SDK1: variants seen among roughly 807,000 people sequenced by gnomAD.
SDK1 encodes the protein sidekick cell adhesion molecule 1.
A neutral mutation model predicts 245.5 loss-of-function variants in SDK1; 157 were observed. The ratio of observed to expected loss-of-function variants is 0.64; its 90% CI spans 0.56 to 0.73. The LOEUF (loss-of-function observed/expected upper bound fraction) is 0.73, where lower values mean the gene tolerates loss of function less well. Among genes scored for constraint, SDK1 ranks in the 30% least tolerant of loss-of-function variants. The pLI is 0.00. For missense variants in SDK1, 3,583 were observed against 3,002.3 expected, an observed-to-expected ratio of 1.19 and a Z score of -4.52; for synonymous variants, 1,647 against 1,278.5, an observed-to-expected ratio of 1.29 and a Z score of -6.15.
intron 5 of SDK1, among the ~76,000 whole-genome samples, chr7:3,913,292 C>CTTTTTT (rs1290723820): frequency 1.5e-5 from 2 of 135,188 alleles, no homozygotes; most frequent in African/African-American, 2.8e-5. Context: ...TTACACTTAT[C>CTTTTTT]TTTTTTTTTT....
intron 1 of SDK1, among the ~76,000 whole-genome samples, chr7:3,601,888 T>C (rs1465379553): frequency 2.0e-5 from 3 of 147,912 alleles, no homozygotes; most frequent in Non-Finnish European, 4.4e-5. Flanking sequence ...CCATGTGTTA[T>C]CATTGTTCAA....
chr7:3,742,365 C>T (rs1779501778), intron 4 of SDK1, among the ~76,000 whole-genome samples: 1 of 152,048 alleles, frequency 6.6e-6, no homozygotes, highest in African/African-American at 2.4e-5. Context: ...TAAAATTTTC[C>T]TTGTGAACGT....
chr7:3,633,995 C>T (rs1206217751), intron 2 of SDK1, among the ~76,000 whole-genome samples: 1 of 152,134 alleles, frequency 6.6e-6, no homozygotes, highest in Non-Finnish European at 1.5e-5. Flanking sequence ...CCCACCACCG[C>T]TGCTGTCAGA....
chr7:3,692,258 A>C (rs1784457999), intron 4 of SDK1, among the ~76,000 whole-genome samples: 1 of 152,190 alleles, frequency 6.6e-6, no homozygotes, highest in Non-Finnish European at 1.5e-5. Context: ...AATAGGAATA[A>C]ATCAGGAAAA....
chr7:3,768,762 C>T (rs1466723470), intron 4 of SDK1, among the ~76,000 whole-genome samples: 1 of 152,216 alleles, frequency 6.6e-6, no homozygotes, highest in Admixed American at 6.5e-5. Context: ...CAATGCTTCA[C>T]ACTTTCTGAA....
At chr7:3,471,781 T>G (rs1351072550) in intron 1 of SDK1, among the ~76,000 whole-genome samples, 2 of 152,210 alleles carry the variant, frequency 1.3e-5, no homozygotes, top group African/African-American at 4.8e-5. Flanking sequence ...TTTTATAGTC[T>G]ACTCGGCTTT....
chr7:3,524,283 G>C (rs943921856), intron 1 of SDK1, among the ~76,000 whole-genome samples: 20 of 152,112 alleles, frequency 1.3e-4, no homozygotes, highest in Admixed American at 1.2e-3. Context: ...GCTGAGTCAA[G>C]GTGGAAACAA....
At chr7:3,574,100 G>C (rs1408187938) in intron 1 of SDK1, among the ~76,000 whole-genome samples, 1 of 151,684 alleles carries the variant, frequency 6.6e-6, no homozygotes, top group Non-Finnish European at 1.5e-5. Flanking sequence ...GATCAGACTA[G>C]ACATATACCT....
intron 1 of SDK1, among the ~76,000 whole-genome samples, chr7:3,571,359 G>A (rs934368752): frequency 1.3e-5 from 2 of 151,966 alleles, no homozygotes; most frequent in Non-Finnish European, 2.9e-5. Context: ...TGGGGGTGCA[G>A]TGGCACAATC....
chr7:3,731,088 C>G (rs923949433), intron 4 of SDK1, among the ~76,000 whole-genome samples: 1 of 152,138 alleles, frequency 6.6e-6, no homozygotes, highest in African/African-American at 2.4e-5. Flanking sequence ...GTGATTTGTG[C>G]CAAGCCTCTG....
chr7:3,552,643 A>G (rs907121207), intron 1 of SDK1, among the ~76,000 whole-genome samples: 6 of 152,218 alleles, frequency 3.9e-5, no homozygotes, highest in Non-Finnish European at 8.8e-5. Flanking sequence ...TGGACTGACC[A>G]CAGAGTAAGA....
chr7:3,393,163 G>A (rs1235718171), intron 1 of SDK1, among the ~76,000 whole-genome samples: 1 of 151,544 alleles, frequency 6.6e-6, no homozygotes, highest in Non-Finnish European at 1.5e-5. Context: ...GTAGAGGTGG[G>A]GTTTCATCAT....
intron 5 of SDK1, among the ~76,000 whole-genome samples, chr7:3,944,296 A>G (rs1780490611): frequency 2.0e-5 from 3 of 152,224 alleles, no homozygotes; most frequent in Admixed American, 1.3e-4. Flanking sequence ...ACTATATTAA[A>G]TGGGCAACAT....
chr7:4,232,673 AG>A (rs879367212), intron 40 of SDK1, among the ~76,000 whole-genome samples: 14 of 151,648 alleles, frequency 9.2e-5, no homozygotes, highest in Non-Finnish European at 1.5e-4. Flanking sequence ...TGTGTTGCCC[AG>A]GCTGGTCTCC....
intron 4 of SDK1, among the ~76,000 whole-genome samples, chr7:3,671,448 G>T (rs1021515707): frequency 6.6e-6 from 1 of 152,146 alleles, no homozygotes; most frequent in Non-Finnish European, 1.5e-5. Flanking sequence ...GTTGCTCATT[G>T]AATGAAGCTC....
Position 3,762,126 on chromosome 7 carries a change from G to A in SDK1, c.714-59324G>A, listed in dbSNP as rs949285654. Among the ~76,000 whole-genome samples, 6 of 152,274 alleles carry A rather than the reference G, an allele frequency of 3.9e-5. No individual in the cohort carries two copies. The South Asian group carries it at 1.0e-3, about 26-fold the overall frequency. On this transcript the variant is annotated intron_variant, in intron 4 of 44. Coordinates refer to ENST00000404826, the MANE Select transcript of SDK1 (RefSeq NM_152744.4). The stretch of plus-strand genomic sequence containing the variant: ...GATTCAGGAATGAGCACATAACAGC[G>A]GTTTGGGGGATTATATTTCTGCTAT...
At chr7:3,920,009 A>T (rs1779531262) in intron 5 of SDK1, among the ~76,000 whole-genome samples, 1 of 152,210 alleles carries the variant, frequency 6.6e-6, no homozygotes, top group African/African-American at 2.4e-5. Context: ...GATGGCAATT[A>T]GAACTTTCAG....
At chr7:3,333,108 A>G (rs1011413678) in intron 1 of SDK1, among the ~76,000 whole-genome samples, 5 of 152,190 alleles carry the variant, frequency 3.3e-5, no homozygotes, top group African/African-American at 1.2e-4. Context: ...GCTGTCTAGG[A>G]AAGAGTTCAG....
chr7:3,891,779 G>A (rs186941550), intron 5 of SDK1, among the ~76,000 whole-genome samples: 25 of 152,322 alleles, frequency 1.6e-4, no homozygotes, highest in Non-Finnish European at 3.4e-4. Flanking sequence ...GTCTTTACCC[G>A]TAGGCTGTGC....
Sources: allele counts gnomAD v4.1 joint callset (sites outside exome capture counted in the v4.1 genomes callset), GRCh38; gene constraint gnomAD v4.1.1; transcripts MANE v1.5; gene names NCBI Gene and HGNC (gene_info 2026-07-23, HGNC 2026-07-21).